The following RUFY2 variants were observed in gnomAD, a reference collection of about 807,000 sequenced individuals.
RUFY2 encodes the protein RUN and FYVE domain-containing protein 2.
RUFY2 carries 49 observed loss-of-function variants against 94.4 expected under a neutral mutation model. That is an observed-to-expected ratio of 0.52 (90% CI 0.41 to 0.66). The LOEUF (loss-of-function observed/expected upper bound fraction) is 0.66, where lower values mean the gene tolerates loss of function less well. Ranked by LOEUF, RUFY2 falls within the 30% of genes least tolerant of loss-of-function variation. The probability of loss-of-function intolerance (pLI) is 0.00; values close to 1 mark genes in which losing one functional copy is unlikely to be tolerated. For synonymous variants in RUFY2, 255 were observed against 235.7 expected (o/e 1.08, Z -0.75); for missense variants, 541 against 692.8 (o/e 0.78, Z 2.46).
chr10:68,397,090 G>A (rs934986516), intron 3 of RUFY2, among the ~76,000 whole-genome samples: 1 of 152,204 alleles, frequency 6.6e-6, no homozygotes, highest in African/African-American at 2.4e-5. Flanking sequence ...ACTATTTAAT[G>A]TCTTGGAAGA....
chr10:68,359,850 A>G (rs1365883206), intron 15 of RUFY2, among the ~76,000 whole-genome samples: 1 of 151,570 alleles, frequency 6.6e-6, no homozygotes, highest in East Asian at 1.9e-4. Flanking sequence ...TGAGTAAATT[A>G]TAATTAGACT....
intron 13 of RUFY2, among the ~76,000 whole-genome samples, chr10:68,366,525 T>C (rs947489658): frequency 6.7e-6 from 1 of 150,358 alleles, no homozygotes; most frequent in African/African-American, 2.4e-5. Flanking sequence ...GGTGGATCAC[T>C]TGAGGTCAGG....
intron 16 of RUFY2, chr10:68,346,809 T>C (rs1315142020): frequency 6.6e-6 from 1 of 152,230 alleles, no homozygotes; most frequent in Non-Finnish European, 1.5e-5. Context: ...TTTGGCATTA[T>C]GTATAACTTA....
chr10:68,406,549 C>T (rs1185082048), intron 1 of RUFY2, among the ~76,000 whole-genome samples: 2 of 152,196 alleles, frequency 1.3e-5, no homozygotes, highest in African/African-American at 4.8e-5. Flanking sequence ...GTTCACACCG[C>T]GGCCACGCCC....
chr10:68,363,213 G>A (rs2047573546), intron 15 of RUFY2, among the ~76,000 whole-genome samples: 1 of 151,962 alleles, frequency 6.6e-6, no homozygotes, highest in African/African-American at 2.4e-5. Context: ...TTTCTTCTGA[G>A]ACAGAGTCTT....
At position 68,354,229 on chromosome 10, in the gene RUFY2, G is replaced by GT. The variant is rs1437821618; in HGVS notation, c.1599+1123dup. Among the ~76,000 whole-genome samples, 3 of 152,008 alleles carry GT rather than the reference G, an allele frequency of 2.0e-5. No individual in the cohort carries two copies. In the East Asian group the frequency reaches 5.8e-4, roughly 29 times the overall value. ...TTTTTGTCACCCAGGCTGGCGTGCA[G>GT]TAAGTAGCATGATCAAGGCTCCCTG... On this transcript the variant is annotated intron_variant, in intron 16 of 17. Coordinates refer to ENST00000602465, the MANE Select transcript of RUFY2 (RefSeq NM_001330103.2).
chr10:68,377,113 C>G, intron 12 of RUFY2, 141 bp from the exon 13 acceptor site: 1 of 1,497,220 alleles, frequency 6.7e-7, no homozygotes, highest in Non-Finnish European at 8.9e-7. Flanking sequence ...CTCACAAACT[C>G]AAACGTGAAA....
intron 3 of RUFY2, 72 bp from the exon 4 acceptor site, chr10:68,396,953 A>G: frequency 4.1e-6 from 4 of 974,210 alleles, no homozygotes; most frequent in Middle Eastern, 2.2e-4. Context: ...CTAGAGGTAA[A>G]CATTAACAAG....
chr10:68,341,391 C>G (rs1474821304), downstream of RUFY2: 3 of 1,428,204 alleles, frequency 2.1e-6, no homozygotes, highest in Non-Finnish European at 9.6e-7. Context: ...GTAGGTAACG[C>G]TTGGCAGTTG....
chr10:68,387,593 C>T (rs1022734749), intron 7 of RUFY2, among the ~76,000 whole-genome samples: 7 of 152,174 alleles, frequency 4.6e-5, no homozygotes, highest in Admixed American at 6.5e-5. Context: ...AGGTAGACAA[C>T]TTGAGTTTTT....
At chr10:68,377,201 T>A (rs2048736292) in intron 12 of RUFY2, 1 of 1,371,800 alleles carries the variant, frequency 7.3e-7, no homozygotes, top group Non-Finnish European at 9.4e-7. Context: ...AATACTATCT[T>A]CAAATTTGTT....
intron 12 of RUFY2, chr10:68,378,614 G>GC: frequency 6.2e-7 from 1 of 1,612,308 alleles, no homozygotes; most frequent in Non-Finnish European, 8.5e-7. Context: ...GTCACTGCTG[G>GC]CACATTTCAC....
At position 68,393,125 on chromosome 10, in the gene RUFY2, C is replaced by T. The variant is rs142661969; in HGVS notation, c.650+13G>A. On this transcript the variant is annotated intron_variant, in intron 7 of 17. Coordinates refer to ENST00000602465, the MANE Select transcript of RUFY2 (RefSeq NM_001330103.2). Reference sequence around the variant, plus strand: ...CAATATTCATAAATGTGCTAAGTATCCATAATACTTACTTCAGTTGTCTAT... The same window carrying T: ...CAATATTCATAAATGTGCTAAGTATTCATAATACTTACTTCAGTTGTCTAT... The T allele has an allele frequency of 5.3e-4, 728 of 1,374,690 alleles. 2 individuals carry two copies. The African/African-American group carries it at 8.4e-3, about 16-fold the overall frequency. The allele number at this position is 1,374,690 out of a possible 1,614,324, so 85.2% of individuals were successfully genotyped here.
At chr10:68,397,205 T>C (rs189499743) in intron 3 of RUFY2, among the ~76,000 whole-genome samples, 23 of 152,318 alleles carry the variant, frequency 1.5e-4, no homozygotes, top group Non-Finnish European at 2.8e-4. Context: ...CTAGATGGTA[T>C]ACACACCTAT....
chr10:68,350,937 C>T (rs1430122373), intron 16 of RUFY2, among the ~76,000 whole-genome samples: 1 of 151,798 alleles, frequency 6.6e-6, no homozygotes, highest in Non-Finnish European at 1.5e-5. Context: ...TCTCGAACTC[C>T]CGACCTCAGG....
At chr10:68,375,775 CA>C (rs879849864) in intron 13 of RUFY2, among the ~76,000 whole-genome samples, 15,028 of 124,558 alleles carry the variant, frequency 0.12, 912 homozygotes, top group South Asian at 0.27. Context: ...GACTCCATCT[CA>C]AAAAAAAAAA....
chr10:68,368,857 G>A (rs2048049622), intron 13 of RUFY2, among the ~76,000 whole-genome samples: 1 of 152,124 alleles, frequency 6.6e-6, no homozygotes, highest in African/African-American at 2.4e-5. Flanking sequence ...AGCCCCAAGT[G>A]GAGCTGTTCC....
Position 68,394,069 on chromosome 10 carries a change from T to A in RUFY2, c.584+6A>T, listed in dbSNP as rs768095567. On this transcript the variant is annotated splice_donor_region_variant and intron_variant, in intron 6 of 17. Transcript: ENST00000602465. ...CAATATGTGAAATAACTTATGAAAA[T>A]CATACCTTTCTTTATTTCCAATATC... is the stretch of plus-strand genomic sequence containing the variant. 6.7e-6 allele frequency: 10 copies of A among 1,502,270 alleles called. No individual in the cohort carries two copies. The South Asian group carries it at 1.0e-4, about 15-fold the overall frequency. 93.1% of individuals were successfully genotyped at this position (1,502,270 alleles called of 1,614,324 possible).
At chr10:68,383,605 G>A (rs1156235366) in intron 10 of RUFY2, among the ~76,000 whole-genome samples, 193 bp downstream of exon 10, 1 of 152,234 alleles carries the variant, frequency 6.6e-6, no homozygotes, top group Non-Finnish European at 1.5e-5. Context: ...GGGCCACAGA[G>A]TGAGAATCTG....
Sources: gnomAD v4.1 joint callset for allele counts (sites outside exome capture counted in the v4.1 genomes callset) on GRCh38, gnomAD v4.1.1 for gene constraint, MANE v1.5 for transcripts, NCBI Gene and HGNC (gene_info 2026-07-23, HGNC 2026-07-21) for gene names.